Variants in C1orf198 observed in about 807,000 individuals in gnomAD.
The protein encoded by C1orf198 is uncharacterized protein C1orf198.
Under a neutral mutation model 31.4 loss-of-function variants are expected in C1orf198, and 17 were observed. The ratio of observed to expected loss-of-function variants is 0.54; its 90% confidence interval spans 0.37 to 0.81. The LOEUF (loss-of-function observed/expected upper bound fraction) is 0.81. Ranked by LOEUF, C1orf198 falls within the 40% of genes least tolerant of loss-of-function variation. C1orf198 has a pLI of 0.00. For missense variants in C1orf198, 401 were observed against 450.3 expected (o/e 0.89, Z 0.99); for synonymous variants, 175 against 193.8 (o/e 0.90, Z 0.81).
At chr1:230,859,504 G>A (rs149979431) in intron 1 of C1orf198, among the ~76,000 whole-genome samples, 36 of 152,266 alleles carry the variant, frequency 2.4e-4, no homozygotes, top group African/African-American at 8.4e-4. Context: ...TACCAAATGG[G>A]CAGCACTGAA....
chr1:230,859,600 A>C (rs553742135), intron 1 of C1orf198, among the ~76,000 whole-genome samples: 1 of 152,182 alleles, frequency 6.6e-6, no homozygotes, highest in Non-Finnish European at 1.5e-5. Flanking sequence ...GCCAAAAAGC[A>C]GGGGGGAAGC....
chr1:230,844,297 TA>T (rs2102974781), intron 2 of C1orf198, among the ~76,000 whole-genome samples: 1 of 152,008 alleles, frequency 6.6e-6, no homozygotes, highest in East Asian at 1.9e-4. Context: ...TCTGGTCGTT[TA>T]AAAGGGTGTG....
At chr1:230,846,235 C>T (rs1669585670) in intron 2 of C1orf198, among the ~76,000 whole-genome samples, 1 of 152,194 alleles carries the variant, frequency 6.6e-6, no homozygotes, top group African/African-American at 2.4e-5. Flanking sequence ...CTAGCAGCTG[C>T]CCCAATTTCT....
In C1orf198 at chr1:230,843,801, C is replaced by T; in HGVS notation, c.480G>A (p.Gln160=). 4.4e-6 allele frequency: 7 copies of T among 1,604,150 alleles called. No individual in the cohort carries two copies. Among genetic ancestry groups the T allele is most frequent in the East Asian group, 2.2e-5 (1 of 44,768 alleles). ...SEPRPLSKAS[Q]GSQALKSSQG... The stretch of plus-strand genomic sequence containing the variant: ...GGGAGGACTTGAGGGCCTGGGAGCC[C>T]TGGGAAGCTTTGGACAGTGGTCTGG... The change falls in exon 3 of 4, where the codon CAG becomes CAA. Residue 160 remains glutamine, a synonymous_variant. Coordinates refer to ENST00000366663, the MANE Select transcript of C1orf198 (RefSeq NM_032800.3). This position sits in a 1 kb window ranked among gnomAD's most constrained non-coding sequence, Gnocchi z 4.9.
chr1:230,854,662 A>G (rs1212066725), intron 2 of C1orf198, among the ~76,000 whole-genome samples: 1 of 152,194 alleles, frequency 6.6e-6, no homozygotes, highest in Non-Finnish European at 1.5e-5. Context: ...CTTACTAAAT[A>G]CTGTCTGTGT....
In C1orf198 at chr1:230,868,361, C is replaced by A; in HGVS notation, c.152G>T (p.Arg51Leu). The stretch of plus-strand genomic sequence containing the variant: ...CGCCCACTCGGGCCCGTACTTCTCG[C>A]GGATCTTCTCCTTGTCCTGCATGAT... ...RKIMQDKEKIREKYGPEWARL... is the reference protein window; with the variant it reads ...RKIMQDKEKILEKYGPEWARL... Residue 51 changes from arginine to leucine, a missense_variant, in exon 1 of 4, where the codon CGC (arginine) becomes CTC (leucine). By Grantham distance (102) the Arg-to-Leu change is moderately radical. Transcript: ENST00000366663. The A allele has an allele frequency of 1.9e-6, 3 of 1,598,168 alleles. No homozygotes were observed. Among genetic ancestry groups the A allele is most frequent in the East Asian group, 4.7e-5 (2 of 42,932 alleles).
At chr1:230,846,562 C>T (rs1049684103) in intron 2 of C1orf198, among the ~76,000 whole-genome samples, 14 of 152,230 alleles carry the variant, frequency 9.2e-5, no homozygotes, top group African/African-American at 2.9e-4. Context: ...CAGCTTCCGA[C>T]GGCTAGATGT....
chr1:230,839,978 G>A, intron 3 of C1orf198, 70 bp from the exon 4 acceptor site: 1 of 1,410,688 alleles, frequency 7.1e-7, no homozygotes, highest in East Asian at 2.3e-5. Flanking sequence ...TCTAAAAACA[G>A]CATCTCATTT....
intron 1 of C1orf198, among the ~76,000 whole-genome samples, chr1:230,862,210 C>T (rs1670019815): frequency 6.6e-6 from 1 of 152,234 alleles, no homozygotes; most frequent in African/African-American, 2.4e-5. Context: ...CGAGTGACAA[C>T]ACTGGTTGTT....
chr1:230,850,035 C>T (rs6688580), intron 2 of C1orf198, among the ~76,000 whole-genome samples: 48,525 of 152,088 alleles, frequency 0.32, 8,034 homozygotes, highest in Admixed American at 0.41. Flanking sequence ...TCAGCTGAGG[C>T]CCAACAGGAA....
chr1:230,868,549 C>T, upstream of C1orf198: 2 of 1,230,408 alleles, frequency 1.6e-6, no homozygotes, highest in Non-Finnish European at 2.0e-6. Flanking sequence ...CGCGCCCCGC[C>T]CCTCGCTGTG....
chr1:230,842,751 A>AC (rs1669476017), intron 3 of C1orf198, among the ~76,000 whole-genome samples: 1 of 139,910 alleles, frequency 7.1e-6, no homozygotes, highest in South Asian at 2.2e-4. Context: ...AAAAATAAAA[A>AC]TTAAAAAAAA....
At position 230,843,348 on chromosome 1, in the gene C1orf198, A is replaced by T; in HGVS notation, c.927+6T>A. The stretch of plus-strand genomic sequence containing the variant: ...ATCTGAGGACGCGCTGGTAAAGGCC[A>T]CTCACCTGTGCAAACTTGGGTTCCG... On this transcript the variant is annotated splice_donor_region_variant and intron_variant, in intron 3 of 3. Transcript: ENST00000366663. This position sits in a 1 kb window ranked among gnomAD's most constrained non-coding sequence, Gnocchi z 4.9. 6.4e-7 allele frequency: 1 copy of T among 1,552,594 alleles called. No individual in the cohort carries two copies. Among genetic ancestry groups the T allele is most frequent in the Non-Finnish European group, 8.7e-7 (1 of 1,147,448 alleles).
chr1:230,862,787 T>TACCCATC (rs1670029931), intron 1 of C1orf198, among the ~76,000 whole-genome samples: 2 of 152,158 alleles, frequency 1.3e-5, no homozygotes, highest in Non-Finnish European at 2.9e-5. Context: ...TAGTGATGGG[T>TACCCATC]ACATGTCATT....
At chr1:230,839,984 C>A in intron 3 of C1orf198, 76 bp from the exon 4 acceptor site, 14 of 1,308,772 alleles carry the variant, frequency 1.1e-5, no homozygotes, top group South Asian at 2.6e-5. Flanking sequence ...AACAGCATCT[C>A]ATTTAAAACG....
chr1:230,839,748 G>A lies in C1orf198; in HGVS notation c.*104C>T. On this transcript the variant is annotated 3_prime_UTR_variant, in exon 4 of 4. Transcript: ENST00000366663. ...CAAATGATTAAGAAAAGAGTGTCAAGAAACCAGTAAAATACATAGGAAAAG... is the reference window on the plus strand; with the variant it reads ...CAAATGATTAAGAAAAGAGTGTCAAAAAACCAGTAAAATACATAGGAAAAG... The A allele has an allele frequency of 9.9e-7, 1 of 1,011,636 alleles. No individual in the cohort carries two copies. The highest frequency in any genetic ancestry group is 1.6e-5 in the South Asian group (1 of 62,442). 62.7% of individuals were successfully genotyped at this position (1,011,636 alleles called of 1,614,324 possible).
In C1orf198 at chr1:230,868,222, C is replaced by A. The variant is rs1290838029; in HGVS notation, c.291G>T (p.Leu97Phe). 2 of 1,540,920 alleles carry A rather than the reference C, an allele frequency of 1.3e-6. No homozygotes were observed. Among genetic ancestry groups the A allele is most frequent in the South Asian group, 2.4e-5 (2 of 83,970 alleles). ...CCACCTTCTGGCCCGTGGGCCCGCG[C>A]AAGCCGGGGAAGCGCGTGAGCTCCT... ...DSEELTRFPG[L>F]RGPTGQKVVR... Residue 97 changes from leucine (L) to phenylalanine (F), a missense_variant, in exon 1 of 4, where the codon TTG becomes TTT. Transcript: ENST00000366663.
chr1:230,850,365 C>A (rs931721764), intron 2 of C1orf198, among the ~76,000 whole-genome samples: 3 of 152,240 alleles, frequency 2.0e-5, no homozygotes, highest in African/African-American at 7.2e-5. Context: ...GGAGGGTGCT[C>A]AGCACAGACC....
chr1:230,846,962 G>A (rs1211634251), intron 2 of C1orf198, among the ~76,000 whole-genome samples: 1 of 152,044 alleles, frequency 6.6e-6, no homozygotes, highest in Non-Finnish European at 1.5e-5. Flanking sequence ...AATTAGCCGG[G>A]CGCGGTGGCG....
Sources: allele counts gnomAD v4.1 joint callset (sites outside exome capture counted in the v4.1 genomes callset), GRCh38; gene constraint gnomAD v4.1.1; non-coding constraint Gnocchi (gnomAD v3.1); transcripts MANE v1.5; gene names NCBI Gene and HGNC (gene_info 2026-07-23, HGNC 2026-07-21).